ZNF804A: variants seen among roughly 807,000 people sequenced by gnomAD.
ZNF804A encodes the protein zinc finger protein 804A.
ZNF804A carries 2 observed loss-of-function variants against 16.5 expected under a neutral mutation model. The observed-to-expected ratio is 0.12, with a 90% confidence interval of 0.05 to 0.38. The LOEUF (loss-of-function observed/expected upper bound fraction) is 0.38, where lower values mean the gene tolerates loss of function less well. ZNF804A is among the 10% of genes least tolerant of loss of function. The pLI is 0.99. For synonymous variants in ZNF804A, 534 were observed against 489.6 expected, an observed-to-expected ratio of 1.09 and a Z score of -1.20; for missense variants, 1,473 against 1,390.7, an observed-to-expected ratio of 1.06 and a Z score of -0.94.
intron 2 of ZNF804A, among the ~76,000 whole-genome samples, chr2:184,915,181 G>A (rs541565590): frequency 6.6e-6 from 1 of 151,856 alleles, no homozygotes. Context: ...TGTACAAAGA[G>A]AAATATAATT....
At chr2:184,878,625 A>G (rs1054795340) in intron 2 of ZNF804A, among the ~76,000 whole-genome samples, 11 of 152,072 alleles carry the variant, frequency 7.2e-5, no homozygotes, top group Admixed American at 2.6e-4. Context: ...TCAGTAAATT[A>G]TGTATTTAAA....
chr2:184,739,500 T>C (rs1693681350), intron 1 of ZNF804A, among the ~76,000 whole-genome samples: 1 of 152,146 alleles, frequency 6.6e-6, no homozygotes, highest in South Asian at 2.1e-4. Flanking sequence ...TTCAAGCGAT[T>C]GTTGTGCCTC....
At chr2:184,626,730 T>C (rs915627235) in intron 1 of ZNF804A, among the ~76,000 whole-genome samples, 1 of 152,180 alleles carries the variant, frequency 6.6e-6, no homozygotes, top group African/African-American at 2.4e-5. Flanking sequence ...AGTACACAAT[T>C]GTATAATTAA....
At position 184,937,925 on chromosome 2, in the gene ZNF804A, T is replaced by C; in HGVS notation, c.2529T>C (p.Asn843=). ...CCGTGAAAGACAATTCTTCCTTAAA[T>C]CCTCTGGATAGGTTAATAAGTGAAG... The part of the protein sequence containing the change: ...DYPVKDNSSL[N]PLDRLISEDK... The change falls in exon 4 of 4, where the codon AAT becomes AAC. Residue 843 remains asparagine (N), a synonymous_variant. Coordinates refer to ENST00000302277, the MANE Select transcript of ZNF804A (RefSeq NM_194250.2). 1 of 1,614,044 alleles carries C rather than the reference T, an allele frequency of 6.2e-7. No individual in the cohort carries two copies. Among genetic ancestry groups the C allele is most frequent in the Non-Finnish European group, 8.5e-7 (1 of 1,180,002 alleles).
At chr2:184,883,760 A>C (rs1381130816) in intron 2 of ZNF804A, among the ~76,000 whole-genome samples, 3 of 152,012 alleles carry the variant, frequency 2.0e-5, no homozygotes, top group Non-Finnish European at 4.4e-5. Context: ...ACCCCTTCGC[A>C]TTAAAAACCC....
At chr2:184,722,914 C>T (rs1295586069) in intron 1 of ZNF804A, among the ~76,000 whole-genome samples, 1 of 151,908 alleles carries the variant, frequency 6.6e-6, no homozygotes, top group Non-Finnish European at 1.5e-5. Context: ...AAAGTTTAGG[C>T]TTCATTTAAA....
intron 2 of ZNF804A, among the ~76,000 whole-genome samples, chr2:184,907,538 C>T (rs530740113): frequency 6.6e-5 from 10 of 152,012 alleles, no homozygotes; most frequent in African/African-American, 2.4e-4. Context: ...TCCATCACTT[C>T]GCCTCTGTAG....
intron 1 of ZNF804A, among the ~76,000 whole-genome samples, chr2:184,847,916 A>G (rs1695544819): frequency 6.6e-6 from 1 of 152,090 alleles, no homozygotes; most frequent in South Asian, 2.1e-4. Context: ...GGAGAGATGC[A>G]CAGGGCAAAG....
At chr2:184,820,599 T>C (rs1006871862) in intron 1 of ZNF804A, among the ~76,000 whole-genome samples, 4 of 152,052 alleles carry the variant, frequency 2.6e-5, no homozygotes, top group African/African-American at 9.7e-5. Context: ...ATAAAGCATG[T>C]TCAAATAGGG....
intron 1 of ZNF804A, among the ~76,000 whole-genome samples, chr2:184,686,147 G>A (rs890886400): frequency 4.6e-5 from 7 of 152,204 alleles, no homozygotes; most frequent in Admixed American, 6.5e-5. Flanking sequence ...CTGAGCTTGC[G>A]GGGCAGGGGC....
At chr2:184,890,388 T>C (rs767076304) in intron 2 of ZNF804A, among the ~76,000 whole-genome samples, 11 of 152,236 alleles carry the variant, frequency 7.2e-5, no homozygotes, top group Non-Finnish European at 1.3e-4. Flanking sequence ...ATCAACAATG[T>C]TGCAGTCCAA....
intron 1 of ZNF804A, among the ~76,000 whole-genome samples, chr2:184,760,112 C>A (rs566919727): frequency 6.6e-6 from 1 of 152,142 alleles, no homozygotes; most frequent in South Asian, 2.1e-4. Flanking sequence ...CAGGAACAGG[C>A]CATTTTCACT....
chr2:184,912,586 A>G (rs960553815), intron 2 of ZNF804A, among the ~76,000 whole-genome samples: 36 of 152,158 alleles, frequency 2.4e-4, no homozygotes, highest in African/African-American at 6.0e-4. Flanking sequence ...TAGCGTTTCA[A>G]TTTCTCTACA....
intron 1 of ZNF804A, among the ~76,000 whole-genome samples, chr2:184,621,709 G>A (rs568461176): frequency 1.5e-4 from 23 of 151,636 alleles, no homozygotes; most frequent in Non-Finnish European, 3.1e-4. Context: ...TTTACTGGCA[G>A]CAAGTAGAAA....
At chr2:184,904,858 C>A (rs190136987) in intron 2 of ZNF804A, among the ~76,000 whole-genome samples, 1 of 152,004 alleles carries the variant, frequency 6.6e-6, no homozygotes, top group Non-Finnish European at 1.5e-5. Context: ...TGAGACAATG[C>A]TTTCTTCTGT....
chr2:184,890,516 A>T (rs1684964658), intron 2 of ZNF804A, among the ~76,000 whole-genome samples: 1 of 152,108 alleles, frequency 6.6e-6, no homozygotes, highest in Non-Finnish European at 1.5e-5. Flanking sequence ...ATGAGAAGCA[A>T]AGAGAAAATG....
chr2:184,702,169 G>A (rs553365307), intron 1 of ZNF804A, among the ~76,000 whole-genome samples: 1 of 152,122 alleles, frequency 6.6e-6, no homozygotes, highest in Admixed American at 6.5e-5. Context: ...AAAAGTCTGT[G>A]TGTACTAATA....
intron 1 of ZNF804A, among the ~76,000 whole-genome samples, chr2:184,738,773 A>G (rs1693671415): frequency 6.6e-6 from 1 of 152,226 alleles, no homozygotes; most frequent in Non-Finnish European, 1.5e-5. Context: ...CACAATGTGT[A>G]CAACTGTGTG....
intron 1 of ZNF804A, among the ~76,000 whole-genome samples, chr2:184,781,031 G>T (rs1334132381): frequency 6.6e-6 from 1 of 151,662 alleles, no homozygotes; most frequent in Admixed American, 6.6e-5. Context: ...CCGAGTCCTT[G>T]TGCTTCTCTG....
Sources: allele counts gnomAD v4.1 joint callset (sites outside exome capture counted in the v4.1 genomes callset), GRCh38; gene constraint gnomAD v4.1.1; transcripts MANE v1.5; gene names NCBI Gene and HGNC (gene_info 2026-07-23, HGNC 2026-07-21).